PCDHA5: variants seen among roughly 807,000 people sequenced by gnomAD.
PCDHA5 encodes protocadherin alpha 5.
In PCDHA5, 43 loss-of-function variants were observed where a neutral mutation model predicts 61.6. The ratio of observed to expected loss-of-function variants is 0.70; its 90% confidence interval spans 0.55 to 0.90. The LOEUF (loss-of-function observed/expected upper bound fraction) is 0.90. Ranked by LOEUF, PCDHA5 falls within the 40% of genes least tolerant of loss-of-function variation. The pLI is 0.00. For synonymous variants in PCDHA5, 627 were observed against 543.9 expected (o/e 1.15, Z -2.13); for missense variants, 1,298 against 1,222.7 (o/e 1.06, Z -0.92).
At chr5:140,882,072 T>G in intron 1 of PCDHA5, 4 of 861,576 alleles carry the variant, frequency 4.6e-6, no homozygotes, top group Non-Finnish European at 7.0e-6. Flanking sequence ...TTCATGCGCA[T>G]GGTGTCGCTC....
chr5:140,968,095 TGGG>T (rs1554230332), intron 1 of PCDHA5: 1 of 1,613,884 alleles, frequency 6.2e-7, no homozygotes, highest in African/African-American at 1.3e-5. Flanking sequence ...CAGCCACAGA[TGGG>T]GGAATACCGC....
intron 1 of PCDHA5, chr5:140,884,288 C>T: frequency 6.2e-7 from 1 of 1,613,630 alleles, no homozygotes; most frequent in Non-Finnish European, 8.5e-7. Flanking sequence ...GGAGAGCGGC[C>T]AAGCGCCACA....
At chr5:140,913,203 G>A (rs2076251339) in intron 1 of PCDHA5, among the ~76,000 whole-genome samples, 1 of 152,182 alleles carries the variant, frequency 6.6e-6, no homozygotes, top group African/African-American at 2.4e-5. Flanking sequence ...TGGCAGTGAA[G>A]CCAATGGGTC....
intron 3 of PCDHA5, among the ~76,000 whole-genome samples, chr5:140,985,006 C>T (rs892412151): frequency 1.3e-5 from 2 of 151,922 alleles, no homozygotes; most frequent in South Asian, 2.1e-4. Context: ...GGCACGATAT[C>T]GGCTCACAGC....
At chr5:140,999,836 A>G (rs1554257003) in intron 3 of PCDHA5, among the ~76,000 whole-genome samples, 1 of 152,210 alleles carries the variant, frequency 6.6e-6, no homozygotes, top group African/African-American at 2.4e-5. Flanking sequence ...AAAATATGCC[A>G]AGTGTATTTA....
Position 140,988,326 on chromosome 5 carries a change from G to A in PCDHA5, c.2500+5763G>A, listed in dbSNP as rs144904425. 8.4e-3 allele frequency among the ~76,000 whole-genome samples: 1,281 copies of A among 152,296 alleles called. 12 individuals carry two copies. The highest frequency in any genetic ancestry group is 0.014 in the Non-Finnish European group (960 of 68,020). ...CAGCTTGGCTTGGCTTTCTCTACCC[G>A]AGGAAAGTAAGTCCTTTTAAGATGC... On this transcript the variant is annotated intron_variant, in intron 3 of 3. Coordinates refer to ENST00000529859, the MANE Select transcript of PCDHA5 (RefSeq NM_018908.3).
chr5:140,958,775 A>C (rs1179723793), intron 1 of PCDHA5, among the ~76,000 whole-genome samples: 1 of 152,170 alleles, frequency 6.6e-6, no homozygotes, highest in African/African-American at 2.4e-5. Flanking sequence ...GTTTGAAATC[A>C]ACTTTCTATT....
rs965761415 is a variant in PCDHA5, at chr5:140,845,214, T to C, written c.2352+21087T>C. 9.4e-5 allele frequency among the ~76,000 whole-genome samples: 14 copies of C among 149,518 alleles called. 1 individual carries two copies. The highest frequency in any genetic ancestry group is 1.3e-4 in the Non-Finnish European group (9 of 66,830). On this transcript the variant is annotated intron_variant, in intron 1 of 3. Coordinates refer to ENST00000529859, the MANE Select transcript of PCDHA5 (RefSeq NM_018908.3). ...ATGATTGTTTTCATTTAAGTCCTTT[T>C]AAAAAATATGATTATCTTTATTATC... is the stretch of plus-strand genomic sequence containing the variant.
At chr5:140,856,076 G>T in intron 1 of PCDHA5, 1 of 1,593,874 alleles carries the variant, frequency 6.3e-7, no homozygotes, top group Non-Finnish European at 8.6e-7. Flanking sequence ...CTGCCTGGGG[G>T]TCCAGTGTCT....
rs1378161589 is a variant in PCDHA5 at position 140,853,784 on chromosome 5, G to A, written c.2352+29657G>A. Reference sequence around the variant, plus strand: ...AGAAATTCTGAAATGGGTAGTAAGAGCAAATTTTCATTTTAAAGCACACCT... The same window carrying A: ...AGAAATTCTGAAATGGGTAGTAAGAACAAATTTTCATTTTAAAGCACACCT... On this transcript the variant is annotated intron_variant, in intron 1 of 3. Coordinates refer to ENST00000529859, the MANE Select transcript of PCDHA5 (RefSeq NM_018908.3). The A allele has an allele frequency of 6.1e-6, 6 of 987,548 alleles. 1 individual carries two copies. Among genetic ancestry groups the A allele is most frequent in the Non-Finnish European group, 7.3e-6 (6 of 819,678 alleles). The allele number at this position is 987,548 out of a possible 1,614,324, so 61.2% of individuals were successfully genotyped here.
rs578208339 is a variant in PCDHA5 at position 141,001,194 on chromosome 5, C to G, written c.2501-8433C>G. Among the ~76,000 whole-genome samples the G allele has an allele frequency of 1.1e-4, 17 of 152,218 alleles. 1 individual carries two copies. In the South Asian group the frequency reaches 3.3e-3, roughly 30 times the overall value. On this transcript the variant is annotated intron_variant, in intron 3 of 3. Coordinates refer to ENST00000529859, the MANE Select transcript of PCDHA5 (RefSeq NM_018908.3). ...ACGAGTTTTTACTTTGCACCATGCA[C>G]TTATGCTATGTGCTGTATAAGGATA...
At chr5:140,985,391 C>T (rs2097149590) in intron 3 of PCDHA5, among the ~76,000 whole-genome samples, 1 of 152,136 alleles carries the variant, frequency 6.6e-6, no homozygotes, top group Non-Finnish European at 1.5e-5. Context: ...TCCAGTCACC[C>T]CAACTGTTCC....
chr5:140,994,428 C>T lies in PCDHA5; in HGVS notation c.2500+11865C>T, dbSNP rs183026150. Among the ~76,000 whole-genome samples, 15 of 152,198 alleles carry T rather than the reference C, an allele frequency of 9.9e-5. No individual in the cohort carries two copies. The South Asian group carries it at 1.2e-3, about 13-fold the overall frequency. On this transcript the variant is annotated intron_variant, in intron 3 of 3. Transcript: ENST00000529859. ...TTTAATACTGGATATTGAGGCCGGGCGCAGTGGCTCACACCTGTGATCCCA... is the reference window on the plus strand; with the variant it reads ...TTTAATACTGGATATTGAGGCCGGGTGCAGTGGCTCACACCTGTGATCCCA...
chr5:140,849,985 G>A lies in PCDHA5; in HGVS notation c.2352+25858G>A, dbSNP rs2150461572. On this transcript the variant is annotated intron_variant, in intron 1 of 3. Coordinates refer to ENST00000529859, the MANE Select transcript of PCDHA5 (RefSeq NM_018908.3). ...CTGGTGTCCTACTCGCTGGTGGAGC[G>A]GCGGTTGGGCGAGCGCTCGCTGTCG... 42 of 1,597,276 alleles carry A rather than the reference G, an allele frequency of 2.6e-5. No homozygotes were observed. The East Asian group carries it at 9.4e-4, about 36-fold the overall frequency.
chr5:140,988,387 T>G (rs1337322360), intron 3 of PCDHA5, among the ~76,000 whole-genome samples: 1 of 152,202 alleles, frequency 6.6e-6, no homozygotes, highest in Non-Finnish European at 1.5e-5. Flanking sequence ...CTCATTGTGT[T>G]TGCCAGAGTT....
intron 1 of PCDHA5, chr5:140,829,099 T>C (rs1554131748): frequency 2.5e-6 from 4 of 1,611,442 alleles, no homozygotes; most frequent in Non-Finnish European, 3.4e-6. Context: ...ATTGCACCGT[T>C]TTAGTGAGAA....
intron 1 of PCDHA5, among the ~76,000 whole-genome samples, chr5:140,887,345 C>A (rs1286436995): frequency 6.6e-6 from 1 of 152,140 alleles, no homozygotes; most frequent in Non-Finnish European, 1.5e-5. Context: ...ATCCACCTGG[C>A]TCGGCCTCCC....
chr5:140,906,327 A>G (rs1240461628), intron 1 of PCDHA5, among the ~76,000 whole-genome samples: 2 of 152,322 alleles, frequency 1.3e-5, no homozygotes, highest in African/African-American at 4.8e-5. Flanking sequence ...TGATACAACT[A>G]TCCTTCATAC....
At chr5:140,833,396 C>T (rs2150208184) in intron 1 of PCDHA5, among the ~76,000 whole-genome samples, 1 of 152,272 alleles carries the variant, frequency 6.6e-6, no homozygotes, top group Non-Finnish European at 1.5e-5. Flanking sequence ...TACCTCAAGA[C>T]TTGATCAAAG....
Sources: gnomAD v4.1 joint callset for allele counts (sites outside exome capture counted in the v4.1 genomes callset) on GRCh38, gnomAD v4.1.1 for gene constraint, MANE v1.5 for transcripts, NCBI Gene and HGNC (gene_info 2026-07-23, HGNC 2026-07-21) for gene names.